Variants in GRM7 observed in about 807,000 individuals in gnomAD.
GRM7 encodes the protein metabotropic glutamate receptor 7.
GRM7 carries 35 observed loss-of-function variants against 84.5 expected under a neutral mutation model. The ratio of observed to expected loss-of-function variants is 0.41; its 90% CI spans 0.32 to 0.55. The LOEUF is 0.55. GRM7 is among the 20% of genes least tolerant of loss of function. GRM7 has a pLI of 0.19. For missense variants in GRM7, 1,003 were observed against 1,194.6 expected (o/e 0.84, Z 2.36); for synonymous variants, 487 against 455.1 (o/e 1.07, Z -0.89).
intron 1 of GRM7, among the ~76,000 whole-genome samples, chr3:6,972,611 A>G (rs2125095804): frequency 6.6e-6 from 1 of 152,338 alleles, no homozygotes; most frequent in African/African-American, 2.4e-5. Context: ...AACTTGTGAA[A>G]GGAAAAGAGA....
chr3:7,635,836 G>GCTAA (rs1214443416), intron 8 of GRM7, among the ~76,000 whole-genome samples: 4 of 151,938 alleles, frequency 2.6e-5, no homozygotes, highest in Non-Finnish European at 4.4e-5. Flanking sequence ...ACCACAAACA[G>GCTAA]CTAACTTTTT....
chr3:6,900,410 C>G (rs1347634481), intron 1 of GRM7, among the ~76,000 whole-genome samples: 1 of 152,052 alleles, frequency 6.6e-6, no homozygotes, highest in Non-Finnish European at 1.5e-5. Flanking sequence ...ATTCTTTGCA[C>G]AGACGTTAAT....
rs1045561414 is a variant in GRM7, at chr3:7,188,043, T to C, written c.736+41375T>C. ...CAAAAGAAAGGCAAACCTAGAAGGA[T>C]TCGAGTTCCCTGGTGAGTTTAATAG... On this transcript the variant is annotated intron_variant, in intron 2 of 9. Coordinates refer to ENST00000357716, the MANE Select transcript of GRM7 (RefSeq NM_000844.4). This position sits in a 1 kb window ranked among gnomAD's most constrained non-coding sequence, Gnocchi z 4.2. Among the ~76,000 whole-genome samples the C allele has an allele frequency of 2.6e-5, 4 of 152,118 alleles. No individual in the cohort carries two copies. Among genetic ancestry groups the C allele is most frequent in the East Asian group, 1.9e-4 (1 of 5,178 alleles).
chr3:6,924,949 T>C (rs1199896262), intron 1 of GRM7, among the ~76,000 whole-genome samples: 1 of 152,102 alleles, frequency 6.6e-6, no homozygotes, highest in Non-Finnish European at 1.5e-5. Context: ...GACCCTTGAC[T>C]CTTGTTTCAT....
In GRM7 at chr3:7,073,585, G is replaced by A. The variant is rs544211175; in HGVS notation, c.520-72867G>A. 4.0e-5 allele frequency among the ~76,000 whole-genome samples: 6 copies of A among 151,784 alleles called. No individual in the cohort carries two copies. In the South Asian group the frequency reaches 1.2e-3, roughly 32 times the overall value. ...ATTCCTAAGTGACTATTGGAGTTAG[G>A]GTTTATTTTAGAAAAAGAAACACTG... On this transcript the variant is annotated intron_variant, in intron 1 of 9. Transcript: ENST00000357716.
chr3:7,011,370 G>A (rs73128586), intron 1 of GRM7, among the ~76,000 whole-genome samples: 12 of 152,248 alleles, frequency 7.9e-5, no homozygotes, highest in Admixed American at 7.8e-4. Context: ...TCTCTACCCT[G>A]ATGCTCTTAA....
intron 1 of GRM7, among the ~76,000 whole-genome samples, chr3:6,946,533 G>A (rs1323757729): frequency 6.6e-6 from 1 of 152,164 alleles, no homozygotes; most frequent in East Asian, 1.9e-4. Flanking sequence ...GGATTGACAT[G>A]GCAATGCAGG....
chr3:7,602,792 C>A (rs1696380873), intron 8 of GRM7, among the ~76,000 whole-genome samples: 1 of 152,150 alleles, frequency 6.6e-6, no homozygotes, highest in Non-Finnish European at 1.5e-5. Context: ...TTGAAGCTTG[C>A]AAGTTTTGTG....
intron 4 of GRM7, among the ~76,000 whole-genome samples, chr3:7,313,479 T>C (rs181870707): frequency 2.0e-5 from 3 of 152,322 alleles, no homozygotes; most frequent in East Asian, 1.9e-4. Context: ...TATTTTGTTA[T>C]ATGCAACCTA....
chr3:7,253,012 TAAA>T (rs539835390), intron 2 of GRM7, among the ~76,000 whole-genome samples: 6 of 70,792 alleles, frequency 8.5e-5, no homozygotes, highest in Admixed American at 2.4e-4. Context: ...TGGCTTTTCT[TAAA>T]AAAAAAAAAA....
At chr3:7,421,904 C>A (rs992394422) in intron 5 of GRM7, among the ~76,000 whole-genome samples, 1 of 140,340 alleles carries the variant, frequency 7.1e-6, no homozygotes, top group Non-Finnish European at 1.5e-5. Flanking sequence ...AAGACCCTGT[C>A]TCTACAAACA....
intron 7 of GRM7, among the ~76,000 whole-genome samples, chr3:7,558,011 A>G (rs1372161909): frequency 7.1e-6 from 1 of 141,344 alleles, no homozygotes; most frequent in African/African-American, 2.5e-5. Context: ...AAGCAATGCA[A>G]TTAGTGAAGA....
intron 2 of GRM7, among the ~76,000 whole-genome samples, chr3:7,297,411 A>G (rs549662214): frequency 6.6e-6 from 1 of 152,322 alleles, no homozygotes; most frequent in East Asian, 1.9e-4. Context: ...AATATGGTCT[A>G]TCTTAATAAA....
intron 5 of GRM7, among the ~76,000 whole-genome samples, chr3:7,418,549 A>AT (rs1166281214): frequency 5.3e-5 from 8 of 152,196 alleles, no homozygotes; most frequent in East Asian, 3.9e-4. Flanking sequence ...ATCAGATGTG[A>AT]TTTTTTTCTG....
intron 9 of GRM7, chr3:7,691,436 G>A (rs192216102): frequency 1.9e-5 from 6 of 312,508 alleles, no homozygotes; most frequent in Non-Finnish European, 3.7e-5. Flanking sequence ...CTGATACTTG[G>A]GGTAGCATAA....
chr3:7,255,580 G>A (rs1698164152), intron 2 of GRM7, among the ~76,000 whole-genome samples: 1 of 152,092 alleles, frequency 6.6e-6, no homozygotes, highest in Non-Finnish European at 1.5e-5. Flanking sequence ...TTTCAGATAA[G>A]AACAAAATCC....
intron 4 of GRM7, among the ~76,000 whole-genome samples, chr3:7,389,276 G>A (rs1288448939): frequency 1.3e-5 from 2 of 152,076 alleles, no homozygotes; most frequent in Non-Finnish European, 2.9e-5. Context: ...AACTTATTGA[G>A]AATTGCTTTA....
intron 4 of GRM7, among the ~76,000 whole-genome samples, chr3:7,338,631 C>T (rs1018371777): frequency 6.6e-6 from 1 of 152,108 alleles, no homozygotes; most frequent in Admixed American, 6.6e-5. Flanking sequence ...ACATGGGGGA[C>T]ATTCGCCCTT....
At chr3:7,654,636 T>C (rs1200786911) in intron 8 of GRM7, among the ~76,000 whole-genome samples, 1 of 152,236 alleles carries the variant, frequency 6.6e-6, no homozygotes, top group African/African-American at 2.4e-5. Context: ...GCTTCTCCAC[T>C]AATCAGCTCT....
Sources: allele counts gnomAD v4.1 joint callset (sites outside exome capture counted in the v4.1 genomes callset), GRCh38; gene constraint gnomAD v4.1.1; non-coding constraint Gnocchi (gnomAD v3.1); transcripts MANE v1.5; gene names NCBI Gene and HGNC (gene_info 2026-07-23, HGNC 2026-07-21).